WASF2: variants seen among roughly 807,000 people sequenced by gnomAD.
WASF2 encodes the protein WASP family member 2.
Under a neutral mutation model 45.0 loss-of-function variants are expected in WASF2, and 14 were observed. The observed-to-expected ratio is 0.31, with a 90% confidence interval of 0.21 to 0.49. WASF2 has a LOEUF of 0.49. Among genes scored for constraint, WASF2 ranks in the 20% least tolerant of loss-of-function variants. The pLI is 0.99. For synonymous variants in WASF2, 200 were observed against 236.3 expected (o/e 0.85, Z 1.41); for missense variants, 439 against 636.1 (o/e 0.69, Z 3.33).
intron 2 of WASF2, among the ~76,000 whole-genome samples, 196 bp from the exon 3 acceptor site, chr1:27,419,284 C>A (rs995981791): frequency 6.6e-6 from 1 of 152,192 alleles, no homozygotes; most frequent in African/African-American, 2.4e-5. Flanking sequence ...AGGAAGCCTG[C>A]ATATGTTCTA....
chr1:27,477,447 G>C (rs1412032780), intron 1 of WASF2, among the ~76,000 whole-genome samples: 2 of 152,178 alleles, frequency 1.3e-5, no homozygotes, highest in African/African-American at 2.4e-5. Flanking sequence ...GGCTGAGGCA[G>C]AAGAATCACT....
chr1:27,461,460 A>ATT lies in WASF2; in HGVS notation c.-44+28524_-44+28525dup, dbSNP rs1310567255. Among the ~76,000 whole-genome samples, 490 of 127,664 alleles carry ATT rather than the reference A, an allele frequency of 3.8e-3. 8 individuals are homozygous for ATT. Among genetic ancestry groups the ATT allele is most frequent in the African/African-American group, 0.011 (376 of 33,400 alleles). 83.8% of individuals were successfully genotyped at this position (127,664 alleles called of 152,430 possible). On this transcript the variant is annotated intron_variant, in intron 1 of 8. Transcript: ENST00000618852. ...GCTCAGGCGATCCTCCCACTTCAGCATTTTTTTTTTTTTTTTTTGAGACGG... is the reference window on the plus strand; with the variant it reads ...GCTCAGGCGATCCTCCCACTTCAGCATTTTTTTTTTTTTTTTTTTTGAGACGG...
intron 1 of WASF2, among the ~76,000 whole-genome samples, chr1:27,453,621 G>A (rs1034753784): frequency 4.0e-5 from 6 of 149,686 alleles, no homozygotes; most frequent in East Asian, 2.0e-4. Flanking sequence ...GGCCAAGCGC[G>A]GTGGCTCACG....
intron 6 of WASF2, 97 bp from the exon 7 acceptor site, chr1:27,412,824 C>CA: frequency 7.0e-7 from 1 of 1,420,200 alleles, no homozygotes; most frequent in Non-Finnish European, 9.8e-7. Context: ...GATACAAAAG[C>CA]TATTAGGGAG....
chr1:27,447,950 T>G lies in WASF2; in HGVS notation c.-43-19017A>C, dbSNP rs967434239. 1.8e-4 allele frequency among the ~76,000 whole-genome samples: 27 copies of G among 152,330 alleles called. 1 individual carries two copies. In the Middle Eastern group the frequency reaches 0.01, roughly 58 times the overall value. On this transcript the variant is annotated intron_variant, in intron 1 of 8. Transcript: ENST00000618852. ...TTCCATGCTTTAAAGGGATTGATTT[T>G]CTAGAGAAGGACAATATGATGTCAG...
At chr1:27,432,634 C>A (rs1351453032) in intron 1 of WASF2, among the ~76,000 whole-genome samples, 2 of 86,376 alleles carry the variant, frequency 2.3e-5, no homozygotes, top group African/African-American at 4.6e-5. Flanking sequence ...GGCGACAGAG[C>A]GAAACTCTGT....
chr1:27,469,949 A>G (rs939142080), intron 1 of WASF2, among the ~76,000 whole-genome samples: 1 of 152,206 alleles, frequency 6.6e-6, no homozygotes, highest in African/African-American at 2.4e-5. Flanking sequence ...GTGTCAAAAA[A>G]AAAAAGGTGA....
At chr1:27,442,990 C>CAAAAAA (rs782114128) in intron 1 of WASF2, among the ~76,000 whole-genome samples, 3 of 64,242 alleles carry the variant, frequency 4.7e-5, no homozygotes, top group African/African-American at 1.7e-4. Context: ...GACTCTGTCT[C>CAAAAAA]AAAAAAAAAA....
At chr1:27,459,115 A>G (rs1571152208) in intron 1 of WASF2, among the ~76,000 whole-genome samples, 1 of 151,404 alleles carries the variant, frequency 6.6e-6, no homozygotes, top group East Asian at 1.9e-4. Flanking sequence ...CAAGAGCGAG[A>G]CTCCATCTAA....
chr1:27,483,814 A>G (rs1468998252), intron 1 of WASF2, among the ~76,000 whole-genome samples: 1 of 151,560 alleles, frequency 6.6e-6, no homozygotes, highest in Non-Finnish European at 1.5e-5. Context: ...TTGGGTGGGC[A>G]TGGTAGCGCT....
chr1:27,422,132 A>G (rs1415561772), intron 2 of WASF2, among the ~76,000 whole-genome samples: 1 of 152,114 alleles, frequency 6.6e-6, no homozygotes, highest in South Asian at 2.1e-4. Flanking sequence ...TAGTAGAAGT[A>G]GAGGCTCAGT....
At chr1:27,480,087 A>G (rs1451466196) in intron 1 of WASF2, among the ~76,000 whole-genome samples, 1 of 152,202 alleles carries the variant, frequency 6.6e-6, no homozygotes, top group Non-Finnish European at 1.5e-5. Flanking sequence ...AAGACTATCA[A>G]TATTCTACAA....
At chr1:27,471,539 G>GCT (rs2017689034) in intron 1 of WASF2, among the ~76,000 whole-genome samples, 1 of 151,948 alleles carries the variant, frequency 6.6e-6, no homozygotes, top group South Asian at 2.1e-4. Context: ...GAGGTGGGAG[G>GCT]CTCACTTCAG....
intron 1 of WASF2, among the ~76,000 whole-genome samples, chr1:27,458,083 G>T (rs2017496874): frequency 6.6e-6 from 1 of 152,016 alleles, no homozygotes; most frequent in East Asian, 1.9e-4. Flanking sequence ...GCCGAGACAG[G>T]CGGATTGCCT....
At chr1:27,413,831 T>C (rs2148100348) in intron 6 of WASF2, among the ~76,000 whole-genome samples, 1 of 152,320 alleles carries the variant, frequency 6.6e-6, no homozygotes, top group Non-Finnish European at 1.5e-5. Flanking sequence ...CCCCCTTTAC[T>C]GGGAGGTGAA....
intron 2 of WASF2, among the ~76,000 whole-genome samples, chr1:27,422,536 AT>A: frequency 6.8e-6 from 1 of 148,076 alleles, no homozygotes. Flanking sequence ...GGAGAATTGC[AT>A]GAACCCAGGA....
At chr1:27,467,319 G>GT (rs1218184659) in intron 1 of WASF2, among the ~76,000 whole-genome samples, 3,398 of 138,348 alleles carry the variant, frequency 0.025, 89 homozygotes, top group African/African-American at 0.066. Flanking sequence ...TTTGTTTTCT[G>GT]TTTTTTTTTT....
intron 1 of WASF2, among the ~76,000 whole-genome samples, chr1:27,478,402 A>G (rs1275595231): frequency 6.6e-6 from 1 of 152,118 alleles, no homozygotes; most frequent in African/African-American, 2.4e-5. Context: ...ACAAATGTGA[A>G]AAACTTTATG....
intron 1 of WASF2, among the ~76,000 whole-genome samples, chr1:27,453,202 C>T (rs980484768): frequency 1.3e-5 from 2 of 151,618 alleles, no homozygotes; most frequent in African/African-American, 2.4e-5. Context: ...GGGACTCCAT[C>T]TCAAAAAATT....
Sources: gnomAD v4.1 joint callset for allele counts (sites outside exome capture counted in the v4.1 genomes callset) on GRCh38, gnomAD v4.1.1 for gene constraint, MANE v1.5 for transcripts, NCBI Gene and HGNC (gene_info 2026-07-23, HGNC 2026-07-21) for gene names.